The following COL25A1 variants were observed in gnomAD, a reference collection of about 807,000 sequenced individuals.
COL25A1 encodes collagen alpha-1(XXV) chain.
Under a neutral mutation model 128.4 loss-of-function variants are expected in COL25A1, and 103 were observed. That is an observed-to-expected ratio of 0.80 (90% CI 0.68 to 0.94). The LOEUF (loss-of-function observed/expected upper bound fraction) is 0.94, where lower values mean the gene tolerates loss of function less well. Ranked by LOEUF, COL25A1 falls within the 40% of genes least tolerant of loss-of-function variation. COL25A1 has a pLI of 0.00. For missense variants in COL25A1, 745 were observed against 840.0 expected (o/e 0.89, Z 1.40); for synonymous variants, 279 against 277.2 (o/e 1.01, Z -0.06).
intron 5 of COL25A1, among the ~76,000 whole-genome samples, chr4:109,047,036 G>A (rs1760489928): frequency 6.6e-6 from 1 of 152,076 alleles, no homozygotes; most frequent in African/African-American, 2.4e-5. Flanking sequence ...CCTACTCAAG[G>A]AAAGAAAAAA....
chr4:109,021,918 G>A (rs557979688), intron 5 of COL25A1: 30 of 357,290 alleles, frequency 8.4e-5, no homozygotes, highest in Middle Eastern at 1.0e-3. Flanking sequence ...AGGTGAGACC[G>A]GTTCTCTGCT....
At chr4:108,872,790 TA>T (rs1306919542) in intron 19 of COL25A1, among the ~76,000 whole-genome samples, 3 of 152,200 alleles carry the variant, frequency 2.0e-5, no homozygotes, top group African/African-American at 7.2e-5. Flanking sequence ...CTGCTCTTTT[TA>T]AAAAATCTTG....
chr4:109,286,027 A>C (rs372476286), intron 3 of COL25A1, among the ~76,000 whole-genome samples: 2 of 152,292 alleles, frequency 1.3e-5, no homozygotes, highest in African/African-American at 4.8e-5. Context: ...TTTCCTCAGG[A>C]AACAGAAAAA....
intron 3 of COL25A1, among the ~76,000 whole-genome samples, chr4:109,258,621 T>G (rs1781235428): frequency 6.6e-6 from 1 of 152,206 alleles, no homozygotes; most frequent in African/African-American, 2.4e-5. Context: ...ATTGCCTTTT[T>G]GGCCAAATAC....
chr4:108,815,714 A>G (rs558790951), intron 37 of COL25A1, among the ~76,000 whole-genome samples: 167 of 152,248 alleles, frequency 1.1e-3, no homozygotes, highest in African/African-American at 2.5e-3. Flanking sequence ...AATTTCATGA[A>G]CCATTTCATG....
In COL25A1 at chr4:108,889,210, A is replaced by G. The variant is rs755476587; in HGVS notation, c.975+11T>C. ...GAGACAGTAGGAACACACTAGAGATAGAGATATTACCTTTTGCCCTGGACG... is the reference window on the plus strand; with the variant it reads ...GAGACAGTAGGAACACACTAGAGATGGAGATATTACCTTTTGCCCTGGACG... On this transcript the variant is annotated intron_variant, in intron 18 of 37. Transcript: ENST00000399132. The G allele has an allele frequency of 1.9e-6, 3 of 1,611,138 alleles. No homozygotes were observed. The highest frequency in any genetic ancestry group is 4.5e-5 in the East Asian group (2 of 44,858).
chr4:109,243,890 TGA>T (rs1188045684), intron 3 of COL25A1, among the ~76,000 whole-genome samples: 1 of 152,132 alleles, frequency 6.6e-6, no homozygotes, highest in Admixed American at 6.6e-5. Flanking sequence ...CTATGTTTTT[TGA>T]GTGAGTTTCT....
intron 8 of COL25A1, among the ~76,000 whole-genome samples, chr4:108,959,073 A>G (rs1750387244): frequency 6.6e-6 from 1 of 152,094 alleles, no homozygotes; most frequent in Admixed American, 6.6e-5. Flanking sequence ...AATCATCTTA[A>G]TATCTAATCC....
chr4:108,857,067 T>C (rs1027734148), intron 24 of COL25A1, among the ~76,000 whole-genome samples: 1 of 152,094 alleles, frequency 6.6e-6, no homozygotes, highest in Non-Finnish European at 1.5e-5. Context: ...GCCCAGTTCA[T>C]GCAAAGAATG....
intron 3 of COL25A1, among the ~76,000 whole-genome samples, chr4:109,213,867 A>C (rs1777781573): frequency 1.3e-5 from 2 of 152,148 alleles, no homozygotes. Flanking sequence ...ATCTACCATC[A>C]TATTTTATGG....
At chr4:108,998,258 A>T (rs539515726) in intron 6 of COL25A1, among the ~76,000 whole-genome samples, 14 of 152,354 alleles carry the variant, frequency 9.2e-5, no homozygotes, top group Admixed American at 7.8e-4. Flanking sequence ...TTAAGCTGAT[A>T]AGCAACTTCA....
Position 108,859,668 on chromosome 4 carries a change from G to T in COL25A1, c.1308C>A (p.His436Gln). Residue 436 changes from histidine (H) to glutamine (Q), a missense_variant, in exon 24 of 38, where the codon CAC becomes CAA. This residue lies in a region of COL25A1 where 387 missense variants were observed against 441.9 expected (regional missense o/e 0.88). Transcript: ENST00000399132. ...ACCAGTCACTTGCCTGTAAGGCTTCGTGGAGGTTGCCGTTGTAGTCTATGA... is the reference window on the plus strand; with the variant it reads ...ACCAGTCACTTGCCTGTAAGGCTTCTTGGAGGTTGCCGTTGTAGTCTATGA... ...TEIIDYNGNLHEALQRITTLT... is the reference protein window; with the variant it reads ...TEIIDYNGNLQEALQRITTLT... The T allele has an allele frequency of 6.2e-7, 1 of 1,613,676 alleles. No individual in the cohort carries two copies. The highest frequency in any genetic ancestry group is 8.5e-7 in the Non-Finnish European group (1 of 1,179,842).
At chr4:109,203,660 G>C (rs551402190) in intron 3 of COL25A1, among the ~76,000 whole-genome samples, 70 of 152,076 alleles carry the variant, frequency 4.6e-4, no homozygotes, top group African/African-American at 1.6e-3. Context: ...TGATGAATTT[G>C]ATAGCTTTAG....
At chr4:109,087,301 C>T (rs1486508852) in intron 3 of COL25A1, among the ~76,000 whole-genome samples, 2 of 151,720 alleles carry the variant, frequency 1.3e-5, no homozygotes, top group Admixed American at 1.3e-4. Flanking sequence ...GTACAAGAAA[C>T]CTTAAGATTG....
At chr4:109,039,447 T>C (rs1355788921) in intron 5 of COL25A1, among the ~76,000 whole-genome samples, 1 of 152,228 alleles carries the variant, frequency 6.6e-6, no homozygotes. Flanking sequence ...CCAAAGGCTT[T>C]GAAAATGCTA....
intron 3 of COL25A1, among the ~76,000 whole-genome samples, chr4:109,055,378 A>C (rs1239900842): frequency 6.6e-6 from 1 of 152,164 alleles, no homozygotes; most frequent in Non-Finnish European, 1.5e-5. Context: ...TCCATGACTA[A>C]AACAAGTTTA....
rs1579335885 is a variant in COL25A1 at position 109,091,595 on chromosome 4, AAT to A, written c.368-41418_368-41417del. Among the ~76,000 whole-genome samples, 3 of 152,190 alleles carry A rather than the reference AAT, an allele frequency of 2.0e-5. No homozygotes were observed. In the East Asian group the frequency reaches 5.8e-4, roughly 29 times the overall value. On this transcript the variant is annotated intron_variant, in intron 3 of 37. Coordinates refer to ENST00000399132, the MANE Select transcript of COL25A1 (RefSeq NM_198721.4). ...TAACACATAGTTCACCATGCACAGC[AAT>A]AGAGTTCTCAAGAGCATATATCACT...
chr4:109,253,054 A>G (rs1231582820), intron 3 of COL25A1, among the ~76,000 whole-genome samples: 1 of 152,206 alleles, frequency 6.6e-6, no homozygotes, highest in African/African-American at 2.4e-5. Context: ...AAATTGAGTC[A>G]TTTAGCTCTT....
chr4:108,969,330 CTT>C (rs1361709782), intron 8 of COL25A1, among the ~76,000 whole-genome samples: 1 of 152,168 alleles, frequency 6.6e-6, no homozygotes, highest in East Asian at 1.9e-4. Flanking sequence ...GATTCAGACT[CTT>C]TCCTCTCTAT....
Sources: allele counts gnomAD v4.1 joint callset (sites outside exome capture counted in the v4.1 genomes callset), GRCh38; gene constraint gnomAD v4.1.1; regional missense constraint gnomAD v4.1.1; transcripts MANE v1.5; gene names NCBI Gene and HGNC (gene_info 2026-07-23, HGNC 2026-07-21).